SND1: variants seen among roughly 807,000 people sequenced by gnomAD.
SND1 encodes the protein staphylococcal nuclease domain-containing protein 1.
SND1 carries 38 observed loss-of-function variants against 121.7 expected under a neutral mutation model. The ratio of observed to expected loss-of-function variants is 0.31; its 90% confidence interval spans 0.24 to 0.41. The LOEUF (loss-of-function observed/expected upper bound fraction) is 0.41, where lower values mean the gene tolerates loss of function less well. Ranked by LOEUF, SND1 falls within the 10% of genes least tolerant of loss-of-function variation. The pLI, the probability that SND1 is intolerant of heterozygous loss-of-function variation, is 1.00. For synonymous variants in SND1, 401 were observed against 447.4 expected, an observed-to-expected ratio of 0.90 and a Z score of 1.31; for missense variants, 868 against 1,184.6, an observed-to-expected ratio of 0.73 and a Z score of 3.92.
At chr7:127,914,160 C>T (rs1188332217) in intron 14 of SND1, among the ~76,000 whole-genome samples, 1 of 152,082 alleles carries the variant, frequency 6.6e-6, no homozygotes, top group Non-Finnish European at 1.5e-5. Flanking sequence ...TGGAGGAAGA[C>T]CTGTGTTATA....
At chr7:127,911,409 T>G (rs1800452066) in intron 14 of SND1, among the ~76,000 whole-genome samples, 1 of 152,188 alleles carries the variant, frequency 6.6e-6, no homozygotes, top group Non-Finnish European at 1.5e-5. Context: ...GGGTCTCACT[T>G]TGTTGTCCAG....
chr7:127,828,358 A>T (rs1242605129), intron 11 of SND1, among the ~76,000 whole-genome samples: 4 of 151,966 alleles, frequency 2.6e-5, no homozygotes, highest in African/African-American at 9.7e-5. Context: ...ATCAGAATAT[A>T]TATACATATT....
At chr7:127,884,573 C>T (rs1281790850) in intron 12 of SND1, among the ~76,000 whole-genome samples, 1 of 151,856 alleles carries the variant, frequency 6.6e-6, no homozygotes, top group African/African-American at 2.4e-5. Flanking sequence ...TTTGACGAAA[C>T]TCTTTGGAAC....
intron 9 of SND1, among the ~76,000 whole-genome samples, chr7:127,710,168 A>T (rs575607662): frequency 5.9e-5 from 9 of 152,322 alleles, no homozygotes; most frequent in Admixed American, 1.3e-4. Flanking sequence ...ATGTGAAATT[A>T]AATGTCAGTA....
At chr7:127,689,517 C>T (rs1795875233) in intron 2 of SND1, among the ~76,000 whole-genome samples, 1 of 152,140 alleles carries the variant, frequency 6.6e-6, no homozygotes, top group South Asian at 2.1e-4. Flanking sequence ...AATACAAGGC[C>T]AGTTGGAACT....
intron 16 of SND1, among the ~76,000 whole-genome samples, chr7:128,037,466 A>G (rs565536331): frequency 1.3e-5 from 2 of 152,356 alleles, no homozygotes; most frequent in African/African-American, 4.8e-5. Context: ...ACATCATTTC[A>G]AATTCCCGTC....
Position 127,707,615 on chromosome 7 carries a change from T to C in SND1, c.1006T>C (p.Leu336=). Residue 336 remains leucine, a synonymous_variant, in exon 9 of 24, where the codon TTG becomes CTG. Transcript: ENST00000354725. ...WRDYVAPTAN[L]DQKDKQFVAK... ...AGACTATGTGGCTCCCACAGCTAAT[T>C]TGGACCAAAAGGACAAGCAGTTTGT... is the stretch of plus-strand genomic sequence containing the variant. 1.2e-6 allele frequency: 2 copies of C among 1,614,076 alleles called. No individual in the cohort carries two copies. Among genetic ancestry groups the C allele is most frequent in the South Asian group, 2.2e-5 (2 of 91,080 alleles).
At chr7:128,047,154 G>A (rs574359985) in intron 16 of SND1, among the ~76,000 whole-genome samples, 101 of 152,268 alleles carry the variant, frequency 6.6e-4, no homozygotes, top group African/African-American at 2.4e-3. Context: ...GGGGTCCATG[G>A]CACAAAAAAT....
At chr7:127,968,977 G>A (rs1185912528) in intron 15 of SND1, among the ~76,000 whole-genome samples, 3 of 152,186 alleles carry the variant, frequency 2.0e-5, no homozygotes, top group Non-Finnish European at 2.9e-5. Context: ...CTTTTACTCA[G>A]TCTTTACGAC....
chr7:127,833,056 T>G (rs1421153446), intron 11 of SND1, among the ~76,000 whole-genome samples: 1 of 152,136 alleles, frequency 6.6e-6, no homozygotes. Flanking sequence ...GACCACTTTC[T>G]TAGAGTGTTG....
intron 13 of SND1, among the ~76,000 whole-genome samples, chr7:127,899,578 G>A (rs1247847984): frequency 4.6e-5 from 7 of 152,158 alleles, no homozygotes; most frequent in Admixed American, 4.6e-4. Flanking sequence ...GGGCCACATG[G>A]TCGAGACCCA....
intron 1 of SND1, among the ~76,000 whole-genome samples, chr7:127,665,154 T>C (rs1012720116): frequency 7.2e-5 from 11 of 152,134 alleles, no homozygotes; most frequent in African/African-American, 2.4e-4. Flanking sequence ...GACATACCAC[T>C]TTATTGAGTT....
At chr7:127,826,668 A>G (rs1010256905) in intron 11 of SND1, among the ~76,000 whole-genome samples, 5 of 151,994 alleles carry the variant, frequency 3.3e-5, no homozygotes, top group African/African-American at 9.7e-5. Flanking sequence ...TCCCTTTTTT[A>G]TCTTAAATAC....
intron 15 of SND1, among the ~76,000 whole-genome samples, chr7:127,961,339 A>G (rs1176078245): frequency 1.3e-5 from 2 of 152,242 alleles, no homozygotes; most frequent in Admixed American, 6.5e-5. Flanking sequence ...GTTTACTTAC[A>G]TATTTTCTTC....
chr7:127,909,005 A>G (rs1458637887), intron 14 of SND1, among the ~76,000 whole-genome samples: 1 of 152,150 alleles, frequency 6.6e-6, no homozygotes. Flanking sequence ...TGCTGATTTT[A>G]CCATTTACCT....
chr7:127,655,139 G>A (rs986183973), intron 1 of SND1, among the ~76,000 whole-genome samples: 1 of 152,172 alleles, frequency 6.6e-6, no homozygotes, highest in African/African-American at 2.4e-5. Flanking sequence ...CTGGACTCAG[G>A]CTGAGCTGAA....
intron 7 of SND1, among the ~76,000 whole-genome samples, chr7:127,704,237 C>T (rs1263465204): frequency 6.6e-6 from 1 of 152,206 alleles, no homozygotes; most frequent in African/African-American, 2.4e-5. Flanking sequence ...AAGCTACTTA[C>T]TCTTTGGCTA....
chr7:127,782,861 T>A (rs1016304017), intron 10 of SND1, among the ~76,000 whole-genome samples: 2 of 152,206 alleles, frequency 1.3e-5, no homozygotes, highest in African/African-American at 4.8e-5. Flanking sequence ...GCTGTATGTG[T>A]ATTCGTTATA....
intron 3 of SND1, among the ~76,000 whole-genome samples, chr7:127,696,341 AC>A (rs1796006400): frequency 1.3e-5 from 2 of 152,154 alleles, no homozygotes; most frequent in Non-Finnish European, 2.9e-5. Flanking sequence ...CTCCCAGAAA[AC>A]GGCTACCTGC....
Sources: allele counts gnomAD v4.1 joint callset (sites outside exome capture counted in the v4.1 genomes callset), GRCh38; gene constraint gnomAD v4.1.1; transcripts MANE v1.5; gene names NCBI Gene and HGNC (gene_info 2026-07-23, HGNC 2026-07-21).